Variants in SKOR2 observed in about 807,000 individuals in gnomAD.
SKOR2 encodes the protein LBX1 corepressor 1-like protein.
In SKOR2, 47 loss-of-function variants were observed where a neutral mutation model predicts 69.1. The ratio of observed to expected loss-of-function variants is 0.68; its 90% CI spans 0.54 to 0.87. SKOR2 has a LOEUF of 0.87. Ranked by LOEUF, SKOR2 falls within the 40% of genes least tolerant of loss-of-function variation. The pLI is 0.00. For synonymous variants in SKOR2, 717 were observed against 672.6 expected (o/e 1.07, Z -1.02); for missense variants, 1,404 against 1,472.2 (o/e 0.95, Z 0.76).
chr18:47,248,186 G>T lies in SKOR2; in HGVS notation c.998C>A (p.Ala333Asp), dbSNP rs1249751702. ...AGCAGCAGCCACAGAGAGGCTGGCG[G>T]CTGCGGCCGAGAGGCTGGCGGCGGC... The part of the protein sequence containing the change: ...VVAAASLSAA[A>D]ASLSVAAASG... The change falls in exon 2 of 9, where the codon GCC becomes GAC. Residue 333 changes from alanine to aspartate, a missense_variant. Ala to Asp is a moderately radical substitution (Grantham distance 126, BLOSUM62 -2). Transcript: ENST00000425639. The surrounding 1 kb of genome is among the most constrained non-coding windows in gnomAD (Gnocchi z 6.4). 1.6e-6 allele frequency: 2 copies of T among 1,232,810 alleles called. No homozygotes were observed. The allele number at this position is 1,232,810 out of a possible 1,614,324, so 76.4% of individuals were successfully genotyped here. A position where few individuals can be genotyped will look rare whatever the true frequency, so the allele number is the denominator to read the frequency against.
chr18:47,212,291 GTA>G (rs2144475516), intron 7 of SKOR2, 140 bp from the exon 8 acceptor site: 1 of 705,498 alleles, frequency 1.4e-6, no homozygotes, highest in East Asian at 3.5e-5. Context: ...CTGCTCAGCG[GTA>G]TGAGGTTTCT....
At chr18:47,211,976 A>G (rs773936478) in intron 8 of SKOR2, 110 bp downstream of exon 8, 1 of 1,016,162 alleles carries the variant, frequency 9.8e-7, no homozygotes, top group Non-Finnish European at 1.3e-6. Context: ...CAAACACAGG[A>G]TGCAACTTTA....
chr18:47,225,451 T>C (rs1325183716), intron 6 of SKOR2, among the ~76,000 whole-genome samples: 2 of 152,330 alleles, frequency 1.3e-5, no homozygotes, highest in Non-Finnish European at 1.5e-5. Flanking sequence ...ATAACCCCAA[T>C]GTTCCTATCA....
chr18:47,210,280 G>T (rs190579073), intron 8 of SKOR2, among the ~76,000 whole-genome samples: 2 of 152,272 alleles, frequency 1.3e-5, no homozygotes, highest in Non-Finnish European at 2.9e-5. Context: ...AAAGCTAAGT[G>T]AGCTCATCGT....
chr18:47,247,071 G>A lies in SKOR2; in HGVS notation c.2113C>T (p.Pro705Ser), dbSNP rs1173683615. ...PPPPPPPPPP[P>S]PLAQHPHHRG... ...TGGTGCGGGTGCTGGGCCAGAGGGG[G>A]CGGCGGGGGCGGCGGCGGCGGCGGC... is the stretch of plus-strand genomic sequence containing the variant. Residue 705 changes from proline (P) to serine (S), a missense_variant, in exon 2 of 9, where the codon CCC (proline) becomes TCC (serine). By Grantham distance (74) the Pro-to-Ser change is moderately conservative (BLOSUM62 -1). This residue lies in a region of SKOR2 where 1,266 missense variants were observed against 1,309.9 expected (regional missense o/e 0.97). Coordinates refer to ENST00000425639, the MANE Select transcript of SKOR2 (RefSeq NM_001278063.4). The surrounding 1 kb of genome is among the most constrained non-coding windows in gnomAD (Gnocchi z 6.6). 1 of 1,389,184 alleles carries A rather than the reference G, an allele frequency of 7.2e-7. No homozygotes were observed. 86.1% of individuals were successfully genotyped at this position (1,389,184 alleles called of 1,614,324 possible). A position where few individuals can be genotyped will look rare whatever the true frequency, so the allele number is the denominator to read the frequency against.
intron 7 of SKOR2, among the ~76,000 whole-genome samples, chr18:47,214,481 A>G (rs2064137706): frequency 6.6e-6 from 1 of 152,218 alleles, no homozygotes; most frequent in Admixed American, 6.5e-5. Flanking sequence ...AAAAACAACA[A>G]AGATAAAAAG....
chr18:47,209,172 A>C (rs1368821568), intron 8 of SKOR2, among the ~76,000 whole-genome samples: 2 of 152,100 alleles, frequency 1.3e-5, no homozygotes, highest in African/African-American at 4.8e-5. Context: ...TGTGCAGATC[A>C]GTGATATGTG....
intron 1 of SKOR2, among the ~76,000 whole-genome samples, chr18:47,250,160 T>C (rs2064306327): frequency 6.6e-6 from 1 of 152,226 alleles, no homozygotes; most frequent in South Asian, 2.1e-4. Flanking sequence ...AACCACCTTC[T>C]GTGACTCTTT....
intron 7 of SKOR2, among the ~76,000 whole-genome samples, chr18:47,219,389 C>T (rs1477855212): frequency 8.7e-6 from 1 of 115,016 alleles, no homozygotes; most frequent in East Asian, 2.1e-4. Context: ...ACTTATCAGA[C>T]ATCTTCCTGT....
chr18:47,248,000 A>G lies in SKOR2; in HGVS notation c.1184T>C (p.Leu395Pro). 2 of 1,426,408 alleles carry G rather than the reference A, an allele frequency of 1.4e-6. No individual in the cohort carries two copies. The highest frequency in any genetic ancestry group is 1.8e-4 in the Middle Eastern group (1 of 5,558). The allele number at this position is 1,426,408 out of a possible 1,614,324, so 88.4% of individuals were successfully genotyped here. The change falls in exon 2 of 9, where the codon CTG becomes CCG. Residue 395 changes from leucine (L) to proline (P), a missense_variant. Around this residue, in one of 3 missense-constraint regions of SKOR2, gnomAD observed 1,266 missense variants for 1,309.9 expected, o/e 0.97. Transcript: ENST00000425639. The surrounding 1 kb of genome is among the most constrained non-coding windows in gnomAD (Gnocchi z 6.6). ...CCCGCCGCAGCCCGGGAACTTCTGC[A>G]GGACGCCCCCGAACGAGCCCTTGCT... The part of the protein sequence containing the change: ...VPSKGSFGGV[L>P]QKFPGCGGLF...
At chr18:47,207,675 C>T (rs1055967512) in intron 8 of SKOR2, among the ~76,000 whole-genome samples, 2 of 152,116 alleles carry the variant, frequency 1.3e-5, no homozygotes, top group African/African-American at 4.8e-5. Flanking sequence ...TGTACCACTC[C>T]CCCTCTTTAT....
chr18:47,248,070 C>T lies in SKOR2; in HGVS notation c.1114G>A (p.Ala372Thr), dbSNP rs1314359511. 7.1e-7 allele frequency: 1 copy of T among 1,405,784 alleles called. No individual in the cohort carries two copies. Among genetic ancestry groups the T allele is most frequent in the Non-Finnish European group, 9.3e-7 (1 of 1,080,840 alleles). 87.1% of individuals were successfully genotyped at this position (1,405,784 alleles called of 1,614,324 possible). A position where few individuals can be genotyped will look rare whatever the true frequency, so the allele number is the denominator to read the frequency against. Residue 372 changes from alanine (A) to threonine (T), a missense_variant, in exon 2 of 9, where the codon GCA becomes ACA. Ala to Thr is a moderately conservative substitution (Grantham distance 58). Coordinates refer to ENST00000425639, the MANE Select transcript of SKOR2 (RefSeq NM_001278063.4). The surrounding 1 kb of genome is among the most constrained non-coding windows in gnomAD (Gnocchi z 6.4). ...VGAGAGAGAG[A>T]GAKGPRSYPV... is the part of the protein sequence containing the mutation. ...TAGCTGCGCGGGCCTTTGGCCCCTG[C>T]CCCGGCACCCGCCCCCGCGCCCGCG... is the stretch of plus-strand genomic sequence containing the variant.
Position 47,247,398 on chromosome 18 carries a change from C to A in SKOR2, c.1786G>T (p.Gly596Cys). 1 of 1,373,974 alleles carries A rather than the reference C, an allele frequency of 7.3e-7. No homozygotes were observed. The highest frequency in any genetic ancestry group is 3.2e-5 in the Admixed American group (1 of 31,262). 85.1% of individuals were successfully genotyped at this position (1,373,974 alleles called of 1,614,324 possible). A position where few individuals can be genotyped will look rare whatever the true frequency, so the allele number is the denominator to read the frequency against. Residue 596 changes from glycine to cysteine, a missense_variant, in exon 2 of 9, where the codon GGC becomes TGC. Gly to Cys is a radical substitution (Grantham distance 159, BLOSUM62 -3). Around this residue, in one of 3 missense-constraint regions of SKOR2, gnomAD observed 1,266 missense variants for 1,309.9 expected, o/e 0.97. Coordinates refer to ENST00000425639, the MANE Select transcript of SKOR2 (RefSeq NM_001278063.4). This position sits in a 1 kb window ranked among gnomAD's most constrained non-coding sequence, Gnocchi z 6.6. The stretch of plus-strand genomic sequence containing the variant: ...TGGTGGGGCGCCGGAACCCGGGAGC[C>A]CGCGGGGCCAGACCCGGCGGCCGCG... The part of the protein sequence containing the change: ...GAAAAGSGPA[G>C]SRVPAPHHPH...
Position 47,244,967 on chromosome 18 carries a change from T to C in SKOR2, c.2693A>G (p.His898Arg), listed in dbSNP as rs912139987. The C allele has an allele frequency of 3.3e-6, 5 of 1,535,662 alleles. No individual in the cohort carries two copies. Among genetic ancestry groups the C allele is most frequent in the Admixed American group, 3.9e-5 (2 of 50,964 alleles). The change falls in exon 4 of 9, where the codon CAT (histidine) becomes CGT (arginine). Residue 898 changes from histidine (H) to arginine (R), a missense_variant. This residue lies in a region of SKOR2 where 1,266 missense variants were observed against 1,309.9 expected (regional missense o/e 0.97). Transcript: ENST00000425639. The stretch of plus-strand genomic sequence containing the variant: ...ATCAGAGTCTGTGATGAAAAAGCTA[T>C]GCTCCTTGTTCTTATCTAGAACCAA... ...DNSFSDKNKE[H>R]SFFITDSDAS...
intron 6 of SKOR2, among the ~76,000 whole-genome samples, chr18:47,220,306 G>A (rs12327499): frequency 3.3e-5 from 5 of 151,876 alleles, no homozygotes. Flanking sequence ...TTTAACCTTT[G>A]CACACTTGTG....
chr18:47,214,240 TG>T (rs1240107016), intron 7 of SKOR2, among the ~76,000 whole-genome samples: 2 of 152,126 alleles, frequency 1.3e-5, no homozygotes, highest in Non-Finnish European at 2.9e-5. Context: ...TAAGTCAAAA[TG>T]GCTTCCTCTT....
At chr18:47,250,514 A>T (rs1236327429) in intron 1 of SKOR2, among the ~76,000 whole-genome samples, 1 of 152,208 alleles carries the variant, frequency 6.6e-6, no homozygotes, top group Non-Finnish European at 1.5e-5. Context: ...CTGAAAAATC[A>T]CCAGAGGCCA....
chr18:47,239,113 G>T (rs1600043123), intron 4 of SKOR2, among the ~76,000 whole-genome samples: 1 of 152,158 alleles, frequency 6.6e-6, no homozygotes, highest in African/African-American at 2.4e-5. Flanking sequence ...CCTACAGTTA[G>T]TGTAACTAGT....
chr18:47,213,209 T>C (rs2064133239), intron 7 of SKOR2, among the ~76,000 whole-genome samples: 1 of 151,924 alleles, frequency 6.6e-6, no homozygotes, highest in African/African-American at 2.4e-5. Context: ...GTTACCGACC[T>C]TCATCATTAC....
Sources: gnomAD v4.1 joint callset for allele counts (sites outside exome capture counted in the v4.1 genomes callset) on GRCh38, gnomAD v4.1.1 for gene constraint, gnomAD v4.1.1 regional missense constraint, Gnocchi (gnomAD v3.1) non-coding constraint, MANE v1.5 for transcripts, NCBI Gene and HGNC (gene_info 2026-07-23, HGNC 2026-07-21) for gene names.